NEBL: variants seen among roughly 807,000 people sequenced by gnomAD.
NEBL encodes the protein LIM and SH3 protein 2.
In NEBL, 122 loss-of-function variants were observed where a neutral mutation model predicts 140.2. That is an observed-to-expected ratio of 0.87 (90% CI 0.75 to 1.01). The LOEUF is 1.01. Among genes scored for constraint, NEBL ranks in the 50% least tolerant of loss-of-function variants. NEBL has a pLI of 0.00. For missense variants in NEBL, 1,365 were observed against 1,231.3 expected, an observed-to-expected ratio of 1.11 and a Z score of -1.62; for synonymous variants, 436 against 398.9, an observed-to-expected ratio of 1.09 and a Z score of -1.11.
chr10:20,934,639 C>A (rs939319946), intron 4 of NEBL, among the ~76,000 whole-genome samples: 1 of 152,120 alleles, frequency 6.6e-6, no homozygotes, highest in Non-Finnish European at 1.5e-5. Flanking sequence ...ACGAGAGGTG[C>A]TAGACAGAAG....
rs1835345102 is a variant in NEBL at position 20,785,643 on chromosome 10, C to A, written c.*104G>T. 2 of 1,302,968 alleles carry A rather than the reference C, an allele frequency of 1.5e-6. No homozygotes were observed. The highest frequency in any genetic ancestry group is 5.0e-5 in the East Asian group (2 of 39,780). The allele number at this position is 1,302,968 out of a possible 1,614,324, so 80.7% of individuals were successfully genotyped here. A position where few individuals can be genotyped will look rare whatever the true frequency, so the allele number is the denominator to read the frequency against. ...TCTAATTGTCAAAGGAAGGATACAT[C>A]ATTGTAAAATAATGGCCAAGTTGTC... On this transcript the variant is annotated 3_prime_UTR_variant, in exon 28 of 28. Coordinates refer to ENST00000377122, the MANE Select transcript of NEBL (RefSeq NM_006393.3).
intron 1 of NEBL, among the ~76,000 whole-genome samples, chr10:21,265,390 A>T (rs16921692): frequency 0.032 from 4,827 of 152,280 alleles, 105 homozygotes; most frequent in Middle Eastern, 0.061. Context: ...TCTTACTCTC[A>T]CGCTGCAAAA....
intron 2 of NEBL, among the ~76,000 whole-genome samples, chr10:21,085,388 G>A (rs1038183177): frequency 1.3e-5 from 2 of 152,156 alleles, no homozygotes; most frequent in African/African-American, 2.4e-5. Flanking sequence ...TTGGGAAGCC[G>A]AGGCGGAAGG....
At chr10:21,071,015 A>G (rs1283686088) in intron 2 of NEBL, among the ~76,000 whole-genome samples, 2 of 148,486 alleles carry the variant, frequency 1.3e-5, no homozygotes, top group African/African-American at 4.9e-5. Flanking sequence ...TGCCTCTACA[A>G]AAAAAAAAGG....
At chr10:21,236,957 G>C (rs1256100132) in intron 3 of NEBL, among the ~76,000 whole-genome samples, 4 of 152,124 alleles carry the variant, frequency 2.6e-5, no homozygotes, top group Admixed American at 2.0e-4. Context: ...CAAGGCATCG[G>C]TTAGTAACTG....
intron 3 of NEBL, among the ~76,000 whole-genome samples, chr10:21,008,597 C>T (rs983305544): frequency 4.6e-5 from 7 of 151,950 alleles, no homozygotes; most frequent in Non-Finnish European, 7.4e-5. Flanking sequence ...AACCACAGTG[C>T]GATACCACCT....
At chr10:20,814,843 C>T (rs1838563646) in intron 22 of NEBL, among the ~76,000 whole-genome samples, 1 of 152,074 alleles carries the variant, frequency 6.6e-6, no homozygotes, top group South Asian at 2.1e-4. Context: ...TCTAAGCAGC[C>T]ACAACTTAAA....
chr10:21,136,862 C>T (rs77168119), intron 2 of NEBL, among the ~76,000 whole-genome samples: 51 of 152,328 alleles, frequency 3.3e-4, no homozygotes, highest in South Asian at 4.1e-4. Context: ...ACTTCTTACT[C>T]GTCTCTGGAT....
chr10:21,138,784 AACATGTACTTTTAGTAACGACACCAAACT>A (rs1564524467), intron 2 of NEBL, among the ~76,000 whole-genome samples: 1 of 151,834 alleles, frequency 6.6e-6, no homozygotes, highest in Non-Finnish European at 1.5e-5. Context: ...CTGATTCCAA[AACATGTACTTTTAGTAACGACACCAAACT>A]AAACTATTTA....
intron 3 of NEBL, among the ~76,000 whole-genome samples, chr10:20,979,243 C>A (rs1836933796): frequency 6.6e-6 from 1 of 151,800 alleles, no homozygotes; most frequent in Non-Finnish European, 1.5e-5. Context: ...AAGAGCAAGA[C>A]CTTGTCTCTA....
At chr10:20,835,109 T>C (rs868571146) in intron 14 of NEBL, among the ~76,000 whole-genome samples, 3 of 152,196 alleles carry the variant, frequency 2.0e-5, no homozygotes, top group African/African-American at 4.8e-5. Context: ...ATTGTTCTCA[T>C]GTAAAGTGTC....
In NEBL at chr10:20,991,952, CT is replaced by C. The variant is rs1220603400; in HGVS notation, c.249+28164del. On this transcript the variant is annotated intron_variant, in intron 3 of 6. Coordinates refer to the NEBL transcript ENST00000417816. ...TTGCTACAAAGGACAAGACTGTATT[CT>C]TTTTTATGGCTGTGTACCATTCCAC... Among the ~76,000 whole-genome samples, 26 of 151,870 alleles carry C rather than the reference CT, an allele frequency of 1.7e-4. No homozygotes were observed. The East Asian group carries it at 4.8e-3, about 28-fold the overall frequency.
intron 2 of NEBL, among the ~76,000 whole-genome samples, chr10:21,147,997 T>C (rs1352042288): frequency 6.6e-6 from 1 of 152,212 alleles, no homozygotes; most frequent in Admixed American, 6.5e-5. Context: ...CTTCGTTATC[T>C]TATGGAGTTC....
intron 3 of NEBL, among the ~76,000 whole-genome samples, chr10:21,198,174 T>C (rs375924271): frequency 6.6e-6 from 1 of 152,108 alleles, no homozygotes. Context: ...TTCCCTGTAT[T>C]TCACAGCTGT....
At chr10:21,262,600 C>A (rs1485861970) in intron 1 of NEBL, among the ~76,000 whole-genome samples, 1 of 152,184 alleles carries the variant, frequency 6.6e-6, no homozygotes, top group Non-Finnish European at 1.5e-5. Context: ...GCTGAATTTT[C>A]TCTCAGGAAG....
At chr10:21,271,305 T>A (rs1024970876) in intron 1 of NEBL, among the ~76,000 whole-genome samples, 1 of 152,112 alleles carries the variant, frequency 6.6e-6, no homozygotes, top group African/African-American at 2.4e-5. Context: ...ACTCTAAAAC[T>A]TCGACTCCTA....
chr10:21,026,705 G>A (rs1484371266), intron 2 of NEBL, among the ~76,000 whole-genome samples: 2 of 152,152 alleles, frequency 1.3e-5, no homozygotes, highest in Admixed American at 6.5e-5. Context: ...TTTCCTTATG[G>A]GCTTTATGTG....
chr10:21,039,229 A>C (rs555273690), intron 2 of NEBL, among the ~76,000 whole-genome samples: 5 of 152,022 alleles, frequency 3.3e-5, no homozygotes, highest in African/African-American at 4.8e-5. Context: ...CTTCAGTTTG[A>C]TTAGATCTCA....
intron 4 of NEBL, among the ~76,000 whole-genome samples, chr10:20,957,446 C>T (rs534359181): frequency 2.6e-5 from 4 of 151,832 alleles, no homozygotes; most frequent in South Asian, 2.1e-4. Context: ...AATGGGTATG[C>T]GAAATTGAAA....
Sources: allele counts gnomAD v4.1 joint callset (sites outside exome capture counted in the v4.1 genomes callset), GRCh38; gene constraint gnomAD v4.1.1; transcripts MANE v1.5; gene names NCBI Gene and HGNC (gene_info 2026-07-23, HGNC 2026-07-21).